RRP15: variants seen among roughly 807,000 people sequenced by gnomAD.
RRP15 encodes the protein ribosomal RNA processing 15 homolog, also known as RRP15-like protein.
Under a neutral mutation model 27.1 loss-of-function variants are expected in RRP15, and 18 were observed. The observed-to-expected ratio is 0.66, with a 90% CI of 0.46 to 0.98. RRP15 has a LOEUF of 0.98. RRP15 is among the 50% of genes least tolerant of loss of function. The probability of loss-of-function intolerance (pLI) is 0.00; values close to 1 mark genes in which losing one functional copy is unlikely to be tolerated. For synonymous variants in RRP15, 107 were observed against 109.4 expected, an observed-to-expected ratio of 0.98 and a Z score of 0.14; for missense variants, 359 against 337.8, an observed-to-expected ratio of 1.06 and a Z score of -0.49.
At chr1:218,315,993 A>G (rs1035172751) in intron 4 of RRP15, among the ~76,000 whole-genome samples, 1 of 152,246 alleles carries the variant, frequency 6.6e-6, no homozygotes, top group Non-Finnish European at 1.5e-5. Flanking sequence ...AATGAGAACA[A>G]GCAGGATTAT....
At chr1:218,312,610 A>T (rs1656021155) in intron 4 of RRP15, among the ~76,000 whole-genome samples, 1 of 152,164 alleles carries the variant, frequency 6.6e-6, no homozygotes, top group Non-Finnish European at 1.5e-5. Context: ...AGAAACAAGA[A>T]GAGGAACCTT....
intron 3 of RRP15, among the ~76,000 whole-genome samples, chr1:218,305,709 G>C (rs1253962190): frequency 6.6e-6 from 1 of 152,158 alleles, no homozygotes; most frequent in Non-Finnish European, 1.5e-5. Flanking sequence ...CATTACAGAG[G>C]AGATAACATT....
rs773020159 is a variant in RRP15 at position 218,295,947 on chromosome 1, A to C, written c.140-6347A>C. 2.0e-5 allele frequency among the ~76,000 whole-genome samples: 3 copies of C among 152,116 alleles called. No individual in the cohort carries two copies. In the East Asian group the frequency reaches 5.8e-4, roughly 29 times the overall value. On this transcript the variant is annotated intron_variant, in intron 1 of 4. Transcript: ENST00000366932. The stretch of plus-strand genomic sequence containing the variant: ...TTGAAGTTTTAAAGCATCAATTTTG[A>C]ATATTCTAAATTTAGTAATTGGCAG...
intron 1 of RRP15, among the ~76,000 whole-genome samples, chr1:218,298,148 T>C (rs1445910742): frequency 6.6e-6 from 1 of 152,120 alleles, no homozygotes; most frequent in East Asian, 1.9e-4. Flanking sequence ...CTAGGATGTG[T>C]TTGGTTCTAG....
At chr1:218,286,923 G>T (rs1254277121) in intron 1 of RRP15, among the ~76,000 whole-genome samples, 1 of 152,040 alleles carries the variant, frequency 6.6e-6, no homozygotes, top group Non-Finnish European at 1.5e-5. Context: ...GCTATATTTG[G>T]AGCAAAATGT....
At chr1:218,330,693 T>G (rs796518581) in intron 4 of RRP15, among the ~76,000 whole-genome samples, 67 of 152,278 alleles carry the variant, frequency 4.4e-4, no homozygotes, top group African/African-American at 1.5e-3. Flanking sequence ...CAAAAAAATT[T>G]TTTTATTTTG....
At position 218,336,492 on chromosome 1, in the gene RRP15, C is replaced by A; in HGVS notation, c.*5401C>A. The stretch of plus-strand genomic sequence containing the variant: ...GACAGCTGAGAGCTGTGTCCCTATG[C>A]GTGGGTGGCCTTGCAGCTGTTGATT... On this transcript the variant is annotated 3_prime_UTR_variant, in exon 5 of 5. Coordinates refer to ENST00000366932, the MANE Select transcript of RRP15 (RefSeq NM_016052.4). 6.6e-6 allele frequency: 1 copy of A among 152,610 alleles called. No homozygotes were observed. Among genetic ancestry groups the A allele is most frequent in the African/African-American group, 2.4e-5 (1 of 41,462 alleles). The allele number at this position is 152,610 out of a possible 1,614,324, so 9.5% of individuals were successfully genotyped here.
chr1:218,306,817 A>C (rs545786153), intron 3 of RRP15, among the ~76,000 whole-genome samples: 2 of 152,304 alleles, frequency 1.3e-5, no homozygotes, highest in Non-Finnish European at 2.9e-5. Flanking sequence ...GGTCAGTATG[A>C]AGCAGTTATT....
At chr1:218,289,134 T>C (rs530564110) in intron 1 of RRP15, among the ~76,000 whole-genome samples, 1 of 152,352 alleles carries the variant, frequency 6.6e-6, no homozygotes, top group East Asian at 1.9e-4. Context: ...GTGATGACGA[T>C]GATGTCTCTT....
At chr1:218,324,639 A>G (rs1333718538) in intron 4 of RRP15, among the ~76,000 whole-genome samples, 2 of 152,220 alleles carry the variant, frequency 1.3e-5, no homozygotes, top group Non-Finnish European at 2.9e-5. Context: ...AGTTTGAGGC[A>G]TTATCTATTA....
chr1:218,287,983 T>C (rs1655576392), intron 1 of RRP15, among the ~76,000 whole-genome samples: 1 of 152,206 alleles, frequency 6.6e-6, no homozygotes, highest in African/African-American at 2.4e-5. Context: ...TCTCTTAAAA[T>C]TCATGGCCTA....
At chr1:218,292,745 C>T (rs1211602094) in intron 1 of RRP15, among the ~76,000 whole-genome samples, 1 of 152,226 alleles carries the variant, frequency 6.6e-6, no homozygotes, top group Non-Finnish European at 1.5e-5. Context: ...CTGCTTGCCT[C>T]TCAGGCTCAC....
intron 4 of RRP15, among the ~76,000 whole-genome samples, chr1:218,323,484 G>A (rs1203466203): frequency 6.6e-6 from 1 of 152,136 alleles, no homozygotes; most frequent in African/African-American, 2.4e-5. Context: ...TTGGTCCATG[G>A]GCTACCGTGG....
chr1:218,309,447 G>A lies in RRP15; in HGVS notation c.705+1815G>A, dbSNP rs1290718941. Among the ~76,000 whole-genome samples, 3 of 152,050 alleles carry A rather than the reference G, an allele frequency of 2.0e-5. No homozygotes were observed. The East Asian group carries it at 5.8e-4, about 29-fold the overall frequency. Reference sequence around the variant, plus strand: ...TGCCTGTAATCCCAGCACTTTGGGAGGCCAAGGTGGGCGGATCACGAGGTC... The same window carrying A: ...TGCCTGTAATCCCAGCACTTTGGGAAGCCAAGGTGGGCGGATCACGAGGTC... On this transcript the variant is annotated intron_variant, in intron 4 of 4. Coordinates refer to ENST00000366932, the MANE Select transcript of RRP15 (RefSeq NM_016052.4).
At position 218,336,992 on chromosome 1, in the gene RRP15, A is replaced by G. The variant is rs919464007; in HGVS notation, c.*5901A>G. The G allele has an allele frequency of 3.9e-5, 6 of 152,210 alleles. No individual in the cohort carries two copies. The highest frequency in any genetic ancestry group is 1.4e-4 in the African/African-American group (6 of 41,456). 9.4% of individuals were successfully genotyped at this position (152,210 alleles called of 1,614,324 possible). Reference sequence around the variant, plus strand: ...GAGACAGCATAATTTTGGAATCACAACTGAGTTCAGAGTTCAGTTTTGAGT... The same window carrying G: ...GAGACAGCATAATTTTGGAATCACAGCTGAGTTCAGAGTTCAGTTTTGAGT... On this transcript the variant is annotated 3_prime_UTR_variant, in exon 5 of 5. Transcript: ENST00000366932.
At chr1:218,285,506 G>C (rs769119466) in intron 1 of RRP15, 51 bp downstream of exon 1, 2 of 1,609,528 alleles carry the variant, frequency 1.2e-6, no homozygotes, top group African/African-American at 2.7e-5. Flanking sequence ...GCGGGGCTGA[G>C]TTCGTGTCAA....
At chr1:218,328,440 A>T (rs1002489413) in intron 4 of RRP15, among the ~76,000 whole-genome samples, 1 of 152,174 alleles carries the variant, frequency 6.6e-6, no homozygotes, top group Non-Finnish European at 1.5e-5. Flanking sequence ...AGGCGGGCAG[A>T]TCATGAAGTC....
At chr1:218,296,079 C>T (rs1655714795) in intron 1 of RRP15, among the ~76,000 whole-genome samples, 2 of 152,038 alleles carry the variant, frequency 1.3e-5, no homozygotes, top group Non-Finnish European at 2.9e-5. Flanking sequence ...TAGGTAAAAT[C>T]AGAATGAGGA....
At chr1:218,330,866 A>G in intron 4 of RRP15, 82 bp from the exon 5 acceptor site, 1 of 1,242,010 alleles carries the variant, frequency 8.1e-7, no homozygotes, top group South Asian at 1.4e-5. Context: ...AGCATTGAAA[A>G]GTTTGTTTTG....
Sources: allele counts gnomAD v4.1 joint callset (sites outside exome capture counted in the v4.1 genomes callset), GRCh38; gene constraint gnomAD v4.1.1; transcripts MANE v1.5; gene names NCBI Gene and HGNC (gene_info 2026-07-23, HGNC 2026-07-21).